The following SUGCT variants were observed in gnomAD, a reference collection of about 807,000 sequenced individuals.
SUGCT encodes the protein succinyl-CoA:glutarate CoA-transferase.
Under a neutral mutation model 55.0 loss-of-function variants are expected in SUGCT, and 41 were observed. The ratio of observed to expected loss-of-function variants is 0.74; its 90% CI spans 0.58 to 0.97. The LOEUF (loss-of-function observed/expected upper bound fraction) is 0.97. SUGCT is among the 50% of genes least tolerant of loss of function. The pLI is 0.00. For missense variants in SUGCT, 568 were observed against 547.8 expected, an observed-to-expected ratio of 1.04 and a Z score of -0.37; for synonymous variants, 187 against 200.4, an observed-to-expected ratio of 0.93 and a Z score of 0.56.
At chr7:40,695,170 TA>T (rs1397851823) in intron 12 of SUGCT, among the ~76,000 whole-genome samples, 10 of 115,040 alleles carry the variant, frequency 8.7e-5, no homozygotes, top group African/African-American at 2.8e-4. Flanking sequence ...CCCTTATTTT[TA>T]TTTATTTATT....
At position 40,752,960 on chromosome 7, in the gene SUGCT, A is replaced by G. The variant is rs1788091129; in HGVS notation, c.1153+3463A>G. On this transcript the variant is annotated intron_variant, in intron 13 of 13. Coordinates refer to ENST00000335693, the MANE Select transcript of SUGCT (RefSeq NM_001193313.2). The stretch of plus-strand genomic sequence containing the variant: ...TAGAATTATCAATATGGGAATTCCC[A>G]GATTTGAGATGAAATGCATGAGTCT... Among the ~76,000 whole-genome samples, 4 of 152,178 alleles carry G rather than the reference A, an allele frequency of 2.6e-5. 1 individual carries two copies. In the South Asian group the frequency reaches 8.3e-4, roughly 32 times the overall value.
chr7:40,653,220 A>G (rs1407046088), intron 12 of SUGCT, among the ~76,000 whole-genome samples: 1 of 152,204 alleles, frequency 6.6e-6, no homozygotes, highest in Non-Finnish European at 1.5e-5. Flanking sequence ...CTGGTCTAGC[A>G]CCTGGCATAT....
chr7:40,260,924 C>T (rs1217656063), intron 7 of SUGCT, among the ~76,000 whole-genome samples: 2 of 152,190 alleles, frequency 1.3e-5, no homozygotes, highest in Non-Finnish European at 2.9e-5. Flanking sequence ...AGCCACCATG[C>T]CTGGCCTATT....
At chr7:40,906,245 C>A in the SUGCT span, among the ~76,000 whole-genome samples, 3 of 152,108 alleles carry the variant, frequency 2.0e-5, no homozygotes, top group South Asian at 6.2e-4. Context: ...TATCCCTCAA[C>A]AGAATTGAGC....
intron 6 of SUGCT, among the ~76,000 whole-genome samples, chr7:40,206,936 T>C (rs1787009051): frequency 1.3e-5 from 2 of 152,120 alleles, no homozygotes; most frequent in Non-Finnish European, 2.9e-5. Flanking sequence ...CAGTGGCTCA[T>C]GGCTGTAATC....
chr7:40,771,761 C>T (rs942895404), intron 13 of SUGCT, among the ~76,000 whole-genome samples: 3 of 152,050 alleles, frequency 2.0e-5, no homozygotes, highest in Non-Finnish European at 2.9e-5. Context: ...CTCTTAAAAA[C>T]ATGTAATCTA....
At chr7:40,922,583 A>G in the SUGCT span, among the ~76,000 whole-genome samples, 1 of 152,242 alleles carries the variant, frequency 6.6e-6, no homozygotes, top group African/African-American at 2.4e-5. Context: ...AGGTTTCTTT[A>G]CTGAGAGTGT....
At chr7:40,477,693 A>C (rs1790779430) in intron 11 of SUGCT, among the ~76,000 whole-genome samples, 1 of 152,162 alleles carries the variant, frequency 6.6e-6, no homozygotes, top group Non-Finnish European at 1.5e-5. Context: ...TTTATGCTTC[A>C]CTTGAAAATT....
intron 12 of SUGCT, among the ~76,000 whole-genome samples, chr7:40,741,873 T>G (rs1314871910): frequency 6.6e-6 from 1 of 151,926 alleles, no homozygotes; most frequent in East Asian, 1.9e-4. Flanking sequence ...ATGGGTGAAA[T>G]CCAGAACTAA....
the SUGCT span, among the ~76,000 whole-genome samples, chr7:40,880,991 G>C: frequency 6.6e-6 from 1 of 152,192 alleles, no homozygotes; most frequent in South Asian, 2.1e-4. Flanking sequence ...AGTTGTACAA[G>C]CATATGTGTC....
At chr7:40,984,026 G>A in the SUGCT span, among the ~76,000 whole-genome samples, 7 of 152,062 alleles carry the variant, frequency 4.6e-5, no homozygotes, top group Non-Finnish European at 7.4e-5. Context: ...GTAGGCGAGG[G>A]GTAGGGCCAC....
At chr7:40,142,941 A>T (rs1788062527) in intron 1 of SUGCT, among the ~76,000 whole-genome samples, 1 of 152,150 alleles carries the variant, frequency 6.6e-6, no homozygotes, top group African/African-American at 2.4e-5. Context: ...CTACATTTTT[A>T]TTAATTGTCA....
chr7:40,547,165 T>C (rs1795035543), intron 12 of SUGCT, among the ~76,000 whole-genome samples: 1 of 152,120 alleles, frequency 6.6e-6, no homozygotes, highest in African/African-American at 2.4e-5. Flanking sequence ...GTGGTTCCAC[T>C]TTGAGGATCA....
chr7:40,172,737 A>G (rs1338598206), intron 1 of SUGCT, among the ~76,000 whole-genome samples: 1 of 152,134 alleles, frequency 6.6e-6, no homozygotes. Context: ...GTCAGCCCTC[A>G]GCTTCCCCAG....
At chr7:40,613,688 G>A (rs999464161) in intron 12 of SUGCT, among the ~76,000 whole-genome samples, 2 of 151,362 alleles carry the variant, frequency 1.3e-5, no homozygotes, top group Admixed American at 1.3e-4. Context: ...TCAGCTCACC[G>A]CAACCTCCGC....
intron 13 of SUGCT, among the ~76,000 whole-genome samples, chr7:40,751,402 T>C (rs1452002286): frequency 6.6e-6 from 1 of 152,134 alleles, no homozygotes; most frequent in East Asian, 1.9e-4. Flanking sequence ...TAGGAAGTGA[T>C]ACAGGAGTTT....
chr7:40,506,314 C>A (rs1182502908), intron 12 of SUGCT, among the ~76,000 whole-genome samples: 1 of 152,014 alleles, frequency 6.6e-6, no homozygotes, highest in Non-Finnish European at 1.5e-5. Flanking sequence ...TTGAATATGT[C>A]ATTCCACTGC....
chr7:40,346,928 G>C (rs1028544541), intron 9 of SUGCT, among the ~76,000 whole-genome samples: 1 of 152,164 alleles, frequency 6.6e-6, no homozygotes, highest in Non-Finnish European at 1.5e-5. Context: ...TGAACCTTCA[G>C]AACTATGAGA....
At chr7:40,496,180 A>G in intron 11 of SUGCT, 104 bp from the exon 12 acceptor site, 1 of 690,478 alleles carries the variant, frequency 1.4e-6, no homozygotes, top group South Asian at 1.9e-5. Context: ...ACTAGGAAAC[A>G]TAGTTTTATG....
Sources: allele counts gnomAD v4.1 joint callset (sites outside exome capture counted in the v4.1 genomes callset), GRCh38; gene constraint gnomAD v4.1.1; transcripts MANE v1.5; gene names NCBI Gene and HGNC (gene_info 2026-07-23, HGNC 2026-07-21).